MROH2A: variants seen among roughly 807,000 people sequenced by gnomAD.
The protein encoded by MROH2A is maestro heat-like repeat-containing protein family member 2A.
MROH2A carries 174 observed loss-of-function variants against 200.4 expected under a neutral mutation model. The ratio of observed to expected loss-of-function variants is 0.87; its 90% CI spans 0.77 to 0.98. The LOEUF (loss-of-function observed/expected upper bound fraction) is 0.98, where lower values mean the gene tolerates loss of function less well. Ranked by LOEUF, MROH2A falls within the 50% of genes least tolerant of loss-of-function variation. The probability of loss-of-function intolerance (pLI) is 0.00; values close to 1 mark genes in which losing one functional copy is unlikely to be tolerated. For missense variants in MROH2A, 2,045 were observed against 2,139.6 expected, an observed-to-expected ratio of 0.96 and a Z score of 0.87; for synonymous variants, 829 against 840.4, an observed-to-expected ratio of 0.99 and a Z score of 0.23.
chr2:233,832,053 G>A, intron 39 of MROH2A, 124 bp from the exon 40 acceptor site: 1 of 726,462 alleles, frequency 1.4e-6, no homozygotes, highest in Non-Finnish European at 2.3e-6. Context: ...CACCTGCTGT[G>A]TGACGCTGGG....
At position 233,820,297 on chromosome 2, in the gene MROH2A, C is replaced by A. The variant is rs1282560927; in HGVS notation, c.3512+241C>A. Among the ~76,000 whole-genome samples, 4 of 152,112 alleles carry A rather than the reference C, an allele frequency of 2.6e-5. No homozygotes were observed. In the East Asian group the frequency reaches 8.1e-4, roughly 31 times the overall value. The stretch of plus-strand genomic sequence containing the variant: ...TGGAATCTGGACCCGTAGCTCCCCA[C>A]ATGCCCGGGACAGTGTCTGTGGAGT... On this transcript the variant is annotated intron_variant, in intron 31 of 41. Transcript: ENST00000389758. The surrounding 1 kb of genome is among the most constrained non-coding windows in gnomAD (Gnocchi z 4.1).
chr2:233,811,766 G>T (rs530684033), intron 23 of MROH2A, 114 bp from the exon 24 acceptor site: 7 of 720,038 alleles, frequency 9.7e-6, no homozygotes, highest in Non-Finnish European at 1.7e-5. Flanking sequence ...GAATGAAAGA[G>T]ATGTGGGGTG....
chr2:233,822,191 C>T lies in MROH2A; in HGVS notation c.3580C>T (p.Leu1194=). The T allele has an allele frequency of 6.5e-7, 1 of 1,549,604 alleles. No homozygotes were observed. Among genetic ancestry groups the T allele is most frequent in the Non-Finnish European group, 8.7e-7 (1 of 1,146,996 alleles). The change falls in exon 32 of 42, where the codon CTG becomes TTG. Residue 1194 remains leucine, a synonymous_variant. Transcript: ENST00000389758. ...CTTCGCCCGGACCATGCTCCACAGC[C>T]TGATGGGCCGGCTGCAGTCACGGCT... The part of the protein sequence containing the change: ...VPFARTMLHS[L]MGRLQSRLSP...
rs1363636977 is a variant in MROH2A, at chr2:233,820,435, C to G, written c.3512+379C>G. On this transcript the variant is annotated intron_variant, in intron 31 of 41. Coordinates refer to ENST00000389758, the MANE Select transcript of MROH2A (RefSeq NM_001394639.1). The surrounding 1 kb of genome is among the most constrained non-coding windows in gnomAD (Gnocchi z 4.1). Reference sequence around the variant, plus strand: ...GCCCTGGATATATTCCAGGCTGTCCCTATTTCTTTCAAAATGTGTCCTAAG... The same window carrying G: ...GCCCTGGATATATTCCAGGCTGTCCGTATTTCTTTCAAAATGTGTCCTAAG... 6.6e-6 allele frequency among the ~76,000 whole-genome samples: 1 copy of G among 152,210 alleles called. No individual in the cohort carries two copies. Among genetic ancestry groups the G allele is most frequent in the Non-Finnish European group, 1.5e-5 (1 of 68,036 alleles).
At chr2:233,776,755 C>T (rs903741061), upstream of MROH2A, among the ~76,000 whole-genome samples, 1 of 152,132 alleles carries the variant, frequency 6.6e-6, no homozygotes, top group Non-Finnish European at 1.5e-5. Context: ...ATATCCTTCA[C>T]AATGTGACTT....
In MROH2A at chr2:233,789,951, A is replaced by G. The variant is rs1219995684; in HGVS notation, c.508A>G (p.Lys170Glu). 3 of 1,550,372 alleles carry G rather than the reference A, an allele frequency of 1.9e-6. No homozygotes were observed. Among genetic ancestry groups the G allele is most frequent in the Admixed American group, 3.9e-5 (2 of 50,976 alleles). Reference sequence around the variant, plus strand: ...CATGTACGAGCTGCAGCACCACCTCAAGCCCCTCAACCTCACTGATGAATT... The same window carrying G: ...CATGTACGAGCTGCAGCACCACCTCGAGCCCCTCAACCTCACTGATGAATT... ...LVMYELQHHL[K>E]PLNLTDEFVI... The change falls in exon 5 of 42, where the codon AAG (lysine) becomes GAG (glutamate). Residue 170 changes from lysine to glutamate, a missense_variant. By Grantham distance (56) the Lys-to-Glu change is moderately conservative. Transcript: ENST00000389758.
intron 26 of MROH2A, among the ~76,000 whole-genome samples, 189 bp from the exon 27 acceptor site, chr2:233,816,592 G>A (rs536801097): frequency 1.1e-4 from 16 of 152,178 alleles, no homozygotes; most frequent in Non-Finnish European, 2.2e-4. Flanking sequence ...CACCATCCTG[G>A]TGAGAATGCT....
chr2:233,801,793 T>G (rs952105319), intron 14 of MROH2A, among the ~76,000 whole-genome samples: 3 of 152,204 alleles, frequency 2.0e-5, no homozygotes, highest in Admixed American at 1.3e-4. Flanking sequence ...CTGACCGTCA[T>G]ACCAGGCATG....
rs79722379 is a variant in MROH2A, at chr2:233,784,385, A to G, written c.276+4533A>G. On this transcript the variant is annotated intron_variant, in intron 3 of 41. Coordinates refer to ENST00000389758, the MANE Select transcript of MROH2A (RefSeq NM_001394639.1). ...TGTGGTTGATTTCTAGTTTTATTCC[A>G]TTGTGGTCAGAAAAAATAATGTGAT... 6.2e-4 allele frequency among the ~76,000 whole-genome samples: 95 copies of G among 152,120 alleles called. 1 individual carries two copies. In the East Asian group the frequency reaches 0.016, roughly 26 times the overall value.
intron 37 of MROH2A, 91 bp from the exon 38 acceptor site, chr2:233,829,529 A>G (rs502059): frequency 0.58 from 718,362 of 1,240,592 alleles, 212,061 homozygotes; most frequent in African/African-American, 0.88. Context: ...CTCTGCAGGG[A>G]CCAAGGCATT....
chr2:233,811,488 C>T (rs1703151218), intron 23 of MROH2A, among the ~76,000 whole-genome samples: 1 of 152,206 alleles, frequency 6.6e-6, no homozygotes. Flanking sequence ...GAACAGAAGG[C>T]AATGAGGAGG....
At chr2:233,800,962 A>AATC (rs966099553) in intron 14 of MROH2A, among the ~76,000 whole-genome samples, 1 of 151,948 alleles carries the variant, frequency 6.6e-6, no homozygotes, top group East Asian at 1.9e-4. Flanking sequence ...AAATAATAAT[A>AATC]ATCATCATCA....
At chr2:233,821,157 A>G (rs1231009639) in intron 31 of MROH2A, among the ~76,000 whole-genome samples, 1 of 152,216 alleles carries the variant, frequency 6.6e-6, no homozygotes, top group Non-Finnish European at 1.5e-5. Flanking sequence ...GAGTCAAGGC[A>G]TGGGTTAGCT....
rs190058370 is a variant in MROH2A, at chr2:233,807,514, C to T, written c.2144C>T (p.Thr715Met). Residue 715 changes from threonine (T) to methionine (M), a missense_variant, in exon 20 of 42, where the codon ACG becomes ATG. Around this residue, in one of 3 missense-constraint regions of MROH2A, gnomAD observed 1,201 missense variants for 1,311.3 expected, o/e 0.92. Coordinates refer to ENST00000389758, the MANE Select transcript of MROH2A (RefSeq NM_001394639.1). The surrounding 1 kb of genome is among the most constrained non-coding windows in gnomAD (Gnocchi z 4.3). ...EVLLLELLYK[T>M]DYSNDFDSEG... ...CTGCTGTTGGAGCTGCTGTACAAGA[C>T]GGACTACAGCAATGACTTTGACAGC... 1.6e-5 allele frequency: 25 copies of T among 1,550,630 alleles called. No homozygotes were observed. Among genetic ancestry groups the T allele is most frequent in the Middle Eastern group, 1.7e-4 (1 of 5,968 alleles).
chr2:233,796,204 C>A lies in MROH2A; in HGVS notation c.1143C>A (p.Arg381=). ...EMVHCFVALA[R]SYPKELMKFF... ...AGCTGTCCTTCCACCCTGCAGCTCG[C>A]TCCTACCCCAAGGAGCTGATGAAGT... The change falls in exon 11 of 42, where the codon CGC becomes CGA. Residue 381 remains arginine, a synonymous_variant. Coordinates refer to ENST00000389758, the MANE Select transcript of MROH2A (RefSeq NM_001394639.1). The A allele has an allele frequency of 1.9e-6, 3 of 1,549,894 alleles. No individual in the cohort carries two copies. The highest frequency in any genetic ancestry group is 1.2e-5 in the South Asian group (1 of 83,966).
chr2:233,822,278 CT>C lies in MROH2A; in HGVS notation c.3668del (p.Leu1223ArgfsTer2). ...CTGGCGCCTGGCTGCGGTGGACCCC[CT>C]GATGGTGAGTTGCAGGCGCAGGCCC... ...DIWRLAAVDP[L>X]MTLCTIHLLI... On this transcript the variant is annotated frameshift_variant, in exon 32 of 42. Transcript: ENST00000389758. LOFTEE classifies it high-confidence loss of function. The C allele has an allele frequency of 6.5e-7, 1 of 1,547,674 alleles. No individual in the cohort carries two copies. Among genetic ancestry groups the C allele is most frequent in the Non-Finnish European group, 8.7e-7 (1 of 1,146,914 alleles).
intron 3 of MROH2A, among the ~76,000 whole-genome samples, chr2:233,787,611 ATCATATATACATATATATTATATATAT>A (rs1701307708): frequency 1.2e-5 from 1 of 82,788 alleles, no homozygotes; most frequent in African/African-American, 5.4e-5. Flanking sequence ...TATTATATAT[ATCATATATACATATATATTATATATAT>A]TATATATATC....
intron 15 of MROH2A, among the ~76,000 whole-genome samples, chr2:233,802,728 G>A (rs1248408110): frequency 1.3e-5 from 2 of 152,162 alleles, no homozygotes; most frequent in African/African-American, 4.8e-5. Flanking sequence ...AGTGGGCACT[G>A]TTAACACCAG....
At chr2:233,794,278 T>G (rs1035324961) in intron 7 of MROH2A, 85 bp from the exon 8 acceptor site, 13 of 1,047,338 alleles carry the variant, frequency 1.2e-5, no homozygotes, top group Non-Finnish European at 1.3e-5. Flanking sequence ...TCCTGTGTCC[T>G]TGGATTCTGT....
Sources: allele counts gnomAD v4.1 joint callset (sites outside exome capture counted in the v4.1 genomes callset), GRCh38; gene constraint gnomAD v4.1.1; regional missense constraint gnomAD v4.1.1; non-coding constraint Gnocchi (gnomAD v3.1); transcripts MANE v1.5; gene names NCBI Gene and HGNC (gene_info 2026-07-23, HGNC 2026-07-21).